Variants in LIMK1 observed in about 807,000 individuals in gnomAD.
The protein encoded by LIMK1 is LIM domain kinase 1, also known as LIM motif-containing protein kinase.
Under a neutral mutation model 77.6 loss-of-function variants are expected in LIMK1, and 21 were observed. The observed-to-expected ratio is 0.27, with a 90% CI of 0.19 to 0.39. LIMK1 has a LOEUF of 0.39. Among genes scored for constraint, LIMK1 ranks in the 10% least tolerant of loss-of-function variants. The pLI is 1.00. For missense variants in LIMK1, 696 were observed against 901.6 expected (o/e 0.77, Z 2.92); for synonymous variants, 358 against 370.0 (o/e 0.97, Z 0.37).
intron 2 of LIMK1, among the ~76,000 whole-genome samples, chr7:74,091,669 G>T (rs1053928513): frequency 2.5e-4 from 38 of 152,178 alleles, no homozygotes; most frequent in Admixed American, 2.0e-4. Flanking sequence ...ACACCTCCCA[G>T]ACCAACAGGG....
chr7:74,093,448 G>A, intron 2 of LIMK1: 1 of 987,824 alleles, frequency 1.0e-6, no homozygotes. Flanking sequence ...CTGGGAGCAG[G>A]CCACTGCCAA....
intron 2 of LIMK1, 102 bp downstream of exon 2, chr7:74,085,946 C>G (rs75180771): frequency 2.4e-6 from 2 of 822,700 alleles, no homozygotes; most frequent in Non-Finnish European, 4.0e-6. Context: ...CTCCTGGTGC[C>G]GTCCCCTATT....
intron 2 of LIMK1, among the ~76,000 whole-genome samples, chr7:74,088,841 A>C (rs1799186305): frequency 6.6e-6 from 1 of 151,456 alleles, no homozygotes; most frequent in African/African-American, 2.4e-5. Flanking sequence ...AGTCGGCAGA[A>C]AGCCAGGGAG....
chr7:74,105,697 G>A (rs1799554204), intron 5 of LIMK1, among the ~76,000 whole-genome samples, 178 bp from the exon 6 acceptor site: 1 of 152,080 alleles, frequency 6.6e-6, no homozygotes, highest in Admixed American at 6.6e-5. Context: ...ATCAGTAATT[G>A]ATTACAGAAT....
chr7:74,098,953 T>A, intron 4 of LIMK1, 79 bp from the exon 5 acceptor site: 1 of 1,144,570 alleles, frequency 8.7e-7, no homozygotes. Context: ...GGGAAGAGCC[T>A]GGGGCTGGGG....
chr7:74,101,567 G>A (rs1563917214), intron 5 of LIMK1, among the ~76,000 whole-genome samples: 1 of 152,180 alleles, frequency 6.6e-6, no homozygotes, highest in Non-Finnish European at 1.5e-5. Context: ...CACTGGGTAA[G>A]CATTCGCCCA....
At position 74,083,919 on chromosome 7, in the gene LIMK1, G is replaced by A. The variant is rs2115597944; in HGVS notation, c.-72G>A. 3.5e-6 allele frequency: 1 copy of A among 288,834 alleles called. No homozygotes were observed. Among genetic ancestry groups the A allele is most frequent in the East Asian group, 1.5e-4 (1 of 6,894 alleles). The allele number at this position is 288,834 out of a possible 1,614,324, so 17.9% of individuals were successfully genotyped here. ...TCCGCCCCCGCCTCCCCGGGCCGGC[G>A]GCGGTGGGCGAGCTCGCGGGCCCGG... is the stretch of plus-strand genomic sequence containing the variant. On this transcript the variant is annotated 5_prime_UTR_variant, in exon 1 of 16. Transcript: ENST00000336180.
In LIMK1 at chr7:74,118,325, C is replaced by T. The variant is rs1799859536; in HGVS notation, c.1568-2258C>T. 2.0e-5 allele frequency among the ~76,000 whole-genome samples: 3 copies of T among 147,462 alleles called. No individual in the cohort carries two copies. In the South Asian group the frequency reaches 6.5e-4, roughly 32 times the overall value. ...CCAGGAGGCGGAGCTTGCAGTGAGC[C>T]GAGATCGCACCACTGTACTCCAGCC... On this transcript the variant is annotated intron_variant, in intron 13 of 15. Coordinates refer to ENST00000336180, the MANE Select transcript of LIMK1 (RefSeq NM_002314.4).
rs141412371 is a variant in LIMK1 at position 74,111,696 on chromosome 7, G to A, written c.1333G>A (p.Ala445Thr). ...GAGAGTGAGCTTTGCCAAGGACATC[G>A]CATCAGGGATGGTGAGTGAGCCGGG... ...SQRVSFAKDI[A>T]SGMAYLHSMN... is the part of the protein sequence containing the mutation. The change falls in exon 11 of 16, where the codon GCA (alanine) becomes ACA (threonine). Residue 445 changes from alanine to threonine, a missense_variant. By Grantham distance (58) the Ala-to-Thr change is moderately conservative. Coordinates refer to ENST00000336180, the MANE Select transcript of LIMK1 (RefSeq NM_002314.4). 4 of 1,612,974 alleles carry A rather than the reference G, an allele frequency of 2.5e-6. No individual in the cohort carries two copies. The highest frequency in any genetic ancestry group is 3.4e-6 in the Non-Finnish European group (4 of 1,179,422).
At chr7:74,106,974 C>T (rs782759904) in intron 7 of LIMK1, 36 bp from the exon 8 acceptor site, 1 of 1,516,324 alleles carries the variant, frequency 6.6e-7, no homozygotes, top group Non-Finnish European at 8.9e-7. Context: ...TGCTACCTGT[C>T]CCCCGGTGGC....
chr7:74,107,798 TG>T, intron 8 of LIMK1, 72 bp from the exon 9 acceptor site: 1 of 1,165,168 alleles, frequency 8.6e-7, no homozygotes, highest in Non-Finnish European at 1.3e-6. Flanking sequence ...AGTCCTGGGG[TG>T]GAGATGGGGC....
chr7:74,100,998 A>G (rs782404055), intron 5 of LIMK1, among the ~76,000 whole-genome samples: 1 of 151,732 alleles, frequency 6.6e-6, no homozygotes, highest in Non-Finnish European at 1.5e-5. Context: ...CGGCCTCCCA[A>G]AGTGCTGCGA....
Position 74,083,948 on chromosome 7 carries a change from C to A in LIMK1, c.-43C>A. ...GTGGGCGAGCTCGCGGGCCCGGCCG[C>A]CCCCAGCCCCAGCCCCGCCGGGCCC... On this transcript the variant is annotated 5_prime_UTR_variant, in exon 1 of 16. Transcript: ENST00000336180. 1.2e-6 allele frequency: 1 copy of A among 853,100 alleles called. No individual in the cohort carries two copies. Among genetic ancestry groups the A allele is most frequent in the Non-Finnish European group, 1.5e-6 (1 of 647,860 alleles). The allele number at this position is 853,100 out of a possible 1,614,324, so 52.8% of individuals were successfully genotyped here.
At chr7:74,092,571 C>T (rs908770998) in intron 2 of LIMK1, among the ~76,000 whole-genome samples, 1 of 152,324 alleles carries the variant, frequency 6.6e-6, no homozygotes, top group Admixed American at 6.5e-5. Context: ...AGGTTATGAC[C>T]AGGCTTGGAC....
chr7:74,091,840 G>A (rs1799242892), intron 2 of LIMK1, among the ~76,000 whole-genome samples: 1 of 152,130 alleles, frequency 6.6e-6, no homozygotes, highest in Admixed American at 6.6e-5. Context: ...GCCTTGGGGT[G>A]GGAATGTGCT....
intron 7 of LIMK1, 42 bp downstream of exon 7, chr7:74,106,285 C>T (rs1554697503): frequency 6.4e-7 from 1 of 1,562,114 alleles, no homozygotes; most frequent in Non-Finnish European, 8.7e-7. Context: ...TGCTTTCACT[C>T]CTGCTGGGGC....
intron 2 of LIMK1, among the ~76,000 whole-genome samples, chr7:74,086,969 C>T (rs1799147742): frequency 6.6e-6 from 1 of 152,040 alleles, no homozygotes; most frequent in Non-Finnish European, 1.5e-5. Flanking sequence ...AGGGTTGTGG[C>T]GGAGGATAAA....
chr7:74,089,789 G>T (rs1398956765), intron 2 of LIMK1, among the ~76,000 whole-genome samples: 1 of 152,060 alleles, frequency 6.6e-6, no homozygotes, highest in East Asian at 1.9e-4. Flanking sequence ...AAAAACGGCC[G>T]CCTCGGAGCT....
chr7:74,106,305 G>A (rs1195768090), intron 7 of LIMK1, 62 bp downstream of exon 7: 4 of 1,534,142 alleles, frequency 2.6e-6, no homozygotes, highest in African/African-American at 2.8e-5. Flanking sequence ...CTCAGGGGCT[G>A]TGGGACCTAG....
Sources: gnomAD v4.1 joint callset for allele counts (sites outside exome capture counted in the v4.1 genomes callset) on GRCh38, gnomAD v4.1.1 for gene constraint, MANE v1.5 for transcripts, NCBI Gene and HGNC (gene_info 2026-07-23, HGNC 2026-07-21) for gene names.